The following PIK3C2A variants were observed in gnomAD, a reference collection of about 807,000 sequenced individuals.
PIK3C2A encodes phosphatidylinositol 4-phosphate 3-kinase C2 domain-containing subunit alpha.
A neutral mutation model predicts 204.5 loss-of-function variants in PIK3C2A; 97 were observed. The observed-to-expected ratio is 0.47, with a 90% CI of 0.40 to 0.56. The LOEUF is 0.56. Among genes scored for constraint, PIK3C2A ranks in the 20% least tolerant of loss-of-function variants. PIK3C2A has a pLI of 0.00. For synonymous variants in PIK3C2A, 653 were observed against 664.4 expected, an observed-to-expected ratio of 0.98 and a Z score of 0.26; for missense variants, 1,735 against 1,969.2, an observed-to-expected ratio of 0.88 and a Z score of 2.25.
At chr11:17,092,133 T>C in intron 29 of PIK3C2A, 26 bp downstream of exon 29, 1 of 1,476,026 alleles carries the variant, frequency 6.8e-7, no homozygotes, top group Non-Finnish European at 9.5e-7. Flanking sequence ...TATAAGATGT[T>C]ATTACTTCTC....
Position 17,122,340 on chromosome 11 carries a change from A to G in PIK3C2A, c.2512-7T>C, listed in dbSNP as rs770707083. The G allele has an allele frequency of 2.7e-6, 4 of 1,501,048 alleles. No homozygotes were observed. In the African/African-American group the frequency reaches 4.2e-5, roughly 16 times the overall value. The allele number at this position is 1,501,048 out of a possible 1,614,324, so 93.0% of individuals were successfully genotyped here. On this transcript the variant is annotated splice_polypyrimidine_tract_variant and splice_region_variant and intron_variant, in intron 14 of 32. Coordinates refer to ENST00000691414, the MANE Select transcript of PIK3C2A (RefSeq NM_002645.4). ...CAGGAGAAGGAAAATCAACCTTTAA[A>G]ATTTAACAGAAATTGATCAAATTAC...
chr11:17,164,065 A>G (rs895549071), intron 2 of PIK3C2A, among the ~76,000 whole-genome samples: 1 of 152,076 alleles, frequency 6.6e-6, no homozygotes, highest in Non-Finnish European at 1.5e-5. Context: ...TCTTCAGACA[A>G]AATGCCTCCA....
rs908898069 is a variant in PIK3C2A at position 17,131,994 on chromosome 11, T to C, written c.2153A>G (p.Lys718Arg). ...TGATTGAATAGGTTTAAAAAGATCC[T>C]TTCCATTGTGAGACAGTGAACATAT... ...YLICSLSHNG[K>R]DLFKPIQSKK... is the part of the protein sequence containing the mutation. The change falls in exon 12 of 33, where the codon AAG becomes AGG. Residue 718 changes from lysine (K) to arginine (R), a missense_variant. Physicochemically the swap from Lys to Arg is conservative, Grantham distance 26. Coordinates refer to ENST00000691414, the MANE Select transcript of PIK3C2A (RefSeq NM_002645.4). The C allele has an allele frequency of 6.4e-7, 1 of 1,570,286 alleles. No individual in the cohort carries two copies. The highest frequency in any genetic ancestry group is 8.7e-7 in the Non-Finnish European group (1 of 1,146,322).
chr11:17,104,918 CCT>C (rs1295506681), intron 23 of PIK3C2A, among the ~76,000 whole-genome samples: 1 of 151,958 alleles, frequency 6.6e-6, no homozygotes, highest in African/African-American at 2.4e-5. Flanking sequence ...TAGAAAAATG[CCT>C]CTGTTTTGCT....
intron 8 of PIK3C2A, among the ~76,000 whole-genome samples, chr11:17,143,093 C>T (rs1850119115): frequency 6.6e-6 from 1 of 151,776 alleles, no homozygotes; most frequent in Admixed American, 6.6e-5. Context: ...CTGGACACTC[C>T]ATACGAAACT....
At chr11:17,099,736 A>G in intron 26 of PIK3C2A, 124 bp downstream of exon 26, 1 of 533,042 alleles carries the variant, frequency 1.9e-6, no homozygotes, top group South Asian at 2.9e-5. Context: ...ATGTGCAATT[A>G]CTATGAATCA....
chr11:17,141,956 G>A (rs1850077704), intron 8 of PIK3C2A, among the ~76,000 whole-genome samples: 1 of 152,168 alleles, frequency 6.6e-6, no homozygotes, highest in African/African-American at 2.4e-5. Flanking sequence ...GCAAATGGAA[G>A]ACAAAGTTGC....
intron 22 of PIK3C2A, among the ~76,000 whole-genome samples, chr11:17,109,825 T>G (rs1226170974): frequency 6.6e-6 from 1 of 152,152 alleles, no homozygotes; most frequent in Admixed American, 6.5e-5. Flanking sequence ...TGAGAGCCAC[T>G]GCACCCAGAG....
intron 6 of PIK3C2A, among the ~76,000 whole-genome samples, chr11:17,147,202 T>C (rs1275579715): frequency 1.3e-5 from 2 of 152,196 alleles, no homozygotes; most frequent in Non-Finnish European, 2.9e-5. Flanking sequence ...ATATTTAGTA[T>C]TCAAAATTTT....
intron 26 of PIK3C2A, among the ~76,000 whole-genome samples, chr11:17,097,730 A>G (rs1395438007): frequency 6.6e-6 from 1 of 152,236 alleles, no homozygotes; most frequent in Non-Finnish European, 1.5e-5. Context: ...CCTGGCCAAC[A>G]TGGCAAAACC....
chr11:17,195,742 C>CTTA (rs1852129153), intron 1 of PIK3C2A, among the ~76,000 whole-genome samples: 1 of 139,694 alleles, frequency 7.2e-6, no homozygotes, highest in Non-Finnish European at 1.6e-5. Flanking sequence ...GACTCTATTG[C>CTTA]AAAAAAAAAA....
At chr11:17,187,781 C>T (rs1851804124) in intron 1 of PIK3C2A, among the ~76,000 whole-genome samples, 1 of 151,784 alleles carries the variant, frequency 6.6e-6, no homozygotes, top group African/African-American at 2.4e-5. Context: ...GGCACAGAGA[C>T]AGAAGATATA....
intron 2 of PIK3C2A, among the ~76,000 whole-genome samples, chr11:17,158,731 C>A (rs1850684223): frequency 3.3e-5 from 5 of 152,042 alleles, no homozygotes; most frequent in African/African-American, 1.2e-4. Context: ...AAGAACTGTT[C>A]TTCATGTTTT....
Position 17,168,964 on chromosome 11 carries a change from G to C in PIK3C2A, c.778C>G (p.Pro260Ala), listed in dbSNP as rs1303640977. The change falls in exon 2 of 33, where the codon CCA becomes GCA. Residue 260 changes from proline (P) to alanine (A), a missense_variant. By Grantham distance (27) the Pro-to-Ala change is conservative (BLOSUM62 -1). Coordinates refer to ENST00000691414, the MANE Select transcript of PIK3C2A (RefSeq NM_002645.4). ...AATTTACTGATATCCTCAGACTTTG[G>C]AGATACCTGTAGATTGCTGACTTTT... Reference protein sequence around the residue: ...DSKVSNLQVSPKSEDISKFDW... With the variant: ...DSKVSNLQVSAKSEDISKFDW... The C allele has an allele frequency of 3.7e-6, 6 of 1,614,044 alleles. No homozygotes were observed. The highest frequency in any genetic ancestry group is 5.1e-6 in the Non-Finnish European group (6 of 1,180,014).
intron 1 of PIK3C2A, among the ~76,000 whole-genome samples, chr11:17,181,866 T>C (rs991041307): frequency 6.6e-6 from 1 of 150,966 alleles, no homozygotes; most frequent in Non-Finnish European, 1.5e-5. Context: ...CCAAGGCGGG[T>C]GGATCACTTG....
intron 2 of PIK3C2A, among the ~76,000 whole-genome samples, 154 bp downstream of exon 2, chr11:17,168,523 G>A (rs1392425895): frequency 6.6e-6 from 1 of 152,192 alleles, no homozygotes; most frequent in Non-Finnish European, 1.5e-5. Flanking sequence ...GGAGCTTGCA[G>A]TGAGCCGAAA....
intron 1 of PIK3C2A, among the ~76,000 whole-genome samples, chr11:17,205,918 C>T (rs535734666): frequency 6.6e-6 from 1 of 152,232 alleles, no homozygotes; most frequent in African/African-American, 2.4e-5. Context: ...GTCAGGAGTT[C>T]GAGACTAGCC....
intron 2 of PIK3C2A, among the ~76,000 whole-genome samples, chr11:17,166,775 T>C (rs1448177723): frequency 2.0e-5 from 3 of 152,132 alleles, no homozygotes; most frequent in African/African-American, 7.2e-5. Flanking sequence ...ACAGCTGACA[T>C]CTTAAATCCA....
chr11:17,130,467 C>T (rs910083801), intron 12 of PIK3C2A, among the ~76,000 whole-genome samples: 2 of 152,104 alleles, frequency 1.3e-5, no homozygotes, highest in Non-Finnish European at 2.9e-5. Context: ...AAAAGTTCTG[C>T]AACTGTCTAT....
Sources: allele counts gnomAD v4.1 joint callset (sites outside exome capture counted in the v4.1 genomes callset), GRCh38; gene constraint gnomAD v4.1.1; transcripts MANE v1.5; gene names NCBI Gene and HGNC (gene_info 2026-07-23, HGNC 2026-07-21).